The following THRAP3 variants were observed in gnomAD, a reference collection of about 807,000 sequenced individuals.
The protein encoded by THRAP3 is thyroid hormone receptor-associated protein 3.
In THRAP3, 16 loss-of-function variants were observed where a neutral mutation model predicts 101.0. That is an observed-to-expected ratio of 0.16 (90% confidence interval 0.11 to 0.24). The LOEUF is 0.24. THRAP3 is among the 10% of genes least tolerant of loss of function. THRAP3 has a pLI of 1.00. For synonymous variants in THRAP3, 407 were observed against 422.6 expected, an observed-to-expected ratio of 0.96 and a Z score of 0.45; for missense variants, 989 against 1,202.7, an observed-to-expected ratio of 0.82 and a Z score of 2.63.
chr1:36,277,949 GA>G (rs1339106686), intron 2 of THRAP3, among the ~76,000 whole-genome samples: 1 of 151,714 alleles, frequency 6.6e-6, no homozygotes, highest in Non-Finnish European at 1.5e-5. Flanking sequence ...TTTTAGTAGA[GA>G]GGGGGTTTAA....
intron 1 of THRAP3, among the ~76,000 whole-genome samples, chr1:36,225,948 T>G (rs1429916258): frequency 6.6e-6 from 1 of 152,238 alleles, no homozygotes; most frequent in African/African-American, 2.4e-5. Flanking sequence ...TAATTCCATC[T>G]CTTTGTTTTT....
At chr1:36,215,717 TC>T in the THRAP3 span, among the ~76,000 whole-genome samples, 4 of 152,274 alleles carry the variant, frequency 2.6e-5, no homozygotes, top group South Asian at 8.3e-4. Flanking sequence ...ACTTTGAATT[TC>T]ATATACTTTT....
chr1:36,257,561 G>A (rs1332374753), intron 1 of THRAP3, among the ~76,000 whole-genome samples: 1 of 152,152 alleles, frequency 6.6e-6, no homozygotes, highest in African/African-American at 2.4e-5. Context: ...GACAGGCTAG[G>A]CAGGAGGAGG....
At chr1:36,213,142 T>C in the THRAP3 span, among the ~76,000 whole-genome samples, 1 of 152,190 alleles carries the variant, frequency 6.6e-6, no homozygotes. Flanking sequence ...ATGGTGAAGC[T>C]GGTGAGATCA....
At chr1:36,277,535 C>T (rs1279147587) in intron 2 of THRAP3, among the ~76,000 whole-genome samples, 1 of 151,468 alleles carries the variant, frequency 6.6e-6, no homozygotes, top group East Asian at 2.0e-4. Flanking sequence ...AGACAGATAA[C>T]GTGCTTTGTC....
At chr1:36,236,855 T>G (rs887660169) in intron 1 of THRAP3, among the ~76,000 whole-genome samples, 1 of 152,158 alleles carries the variant, frequency 6.6e-6, no homozygotes, top group African/African-American at 2.4e-5. Context: ...CTCTGGAGTA[T>G]GCATATATAT....
chr1:36,266,990 C>A (rs1645523082), intron 2 of THRAP3, among the ~76,000 whole-genome samples: 1 of 152,042 alleles, frequency 6.6e-6, no homozygotes, highest in African/African-American at 2.4e-5. Flanking sequence ...AAGCAATTCT[C>A]CTGTCTCAGC....
rs768948630 is a variant in THRAP3 at position 36,291,481 on chromosome 1, A to G, written c.1853A>G (p.Gln618Arg). ...RSIFQHIQSA[Q>R]SQRSPSELFA... is the part of the protein sequence containing the mutation. ...ATTTTCCAGCACATACAATCAGCTC[A>G]GTCTCAGCGTAGCCCCTCAGAACTG... Residue 618 changes from glutamine to arginine, a missense_variant, in exon 6 of 12, where the codon CAG becomes CGG. Coordinates refer to ENST00000354618, the MANE Select transcript of THRAP3 (RefSeq NM_005119.4). 1 of 1,613,758 alleles carries G rather than the reference A, an allele frequency of 6.2e-7. No homozygotes were observed. The highest frequency in any genetic ancestry group is 1.1e-5 in the South Asian group (1 of 91,076).
At chr1:36,267,417 A>G (rs1371697359) in intron 2 of THRAP3, among the ~76,000 whole-genome samples, 1 of 152,300 alleles carries the variant, frequency 6.6e-6, no homozygotes, top group South Asian at 2.1e-4. Flanking sequence ...TACTGATGAA[A>G]AAATAGAGGT....
chr1:36,256,148 T>G (rs1479919736), intron 1 of THRAP3, among the ~76,000 whole-genome samples: 1 of 151,286 alleles, frequency 6.6e-6, no homozygotes, highest in Non-Finnish European at 1.5e-5. Flanking sequence ...TCCCATAATG[T>G]TGGGGTTATC....
chr1:36,296,897 T>A, intron 9 of THRAP3, 127 bp downstream of exon 9: 1 of 671,406 alleles, frequency 1.5e-6, no homozygotes, highest in Non-Finnish European at 2.3e-6. Context: ...TTTCTTCTTT[T>A]AATCCATGTA....
chr1:36,255,488 G>A (rs1258347631), intron 1 of THRAP3, among the ~76,000 whole-genome samples: 1 of 151,928 alleles, frequency 6.6e-6, no homozygotes, highest in Non-Finnish European at 1.5e-5. Context: ...AGAATGCCAG[G>A]CCAGGCGCGG....
chr1:36,298,932 C>G (rs1645994748), intron 9 of THRAP3, among the ~76,000 whole-genome samples: 1 of 152,146 alleles, frequency 6.6e-6, no homozygotes, highest in East Asian at 1.9e-4. Flanking sequence ...TCAGCTGGGA[C>G]TACAGGTGTA....
At chr1:36,267,069 A>G (rs774268156) in intron 2 of THRAP3, among the ~76,000 whole-genome samples, 1 of 152,064 alleles carries the variant, frequency 6.6e-6, no homozygotes, top group African/African-American at 2.4e-5. Context: ...TTTTTAGTAG[A>G]GACGGGGTTT....
At chr1:36,241,577 A>ATTT (rs562173564) in intron 1 of THRAP3, among the ~76,000 whole-genome samples, 1 of 133,476 alleles carries the variant, frequency 7.5e-6, no homozygotes, top group East Asian at 2.1e-4. Flanking sequence ...ATCCGCTAAA[A>ATTT]TTTTTTTTTT....
intron 3 of THRAP3, among the ~76,000 whole-genome samples, chr1:36,285,909 G>T (rs1356070079): frequency 6.6e-6 from 1 of 152,128 alleles, no homozygotes; most frequent in Admixed American, 6.5e-5. Flanking sequence ...ATAGGGTGTG[G>T]AGTGTTACCA....
chr1:36,287,540 A>G (rs1645812039), intron 4 of THRAP3: 1 of 985,326 alleles, frequency 1.0e-6, no homozygotes, highest in African/African-American at 1.7e-5. Flanking sequence ...CTTGGATTCT[A>G]CCAATGTAAG....
chr1:36,207,671 T>A, the THRAP3 span, among the ~76,000 whole-genome samples: 1 of 152,220 alleles, frequency 6.6e-6, no homozygotes, highest in African/African-American at 2.4e-5. Context: ...GACGTTTCTC[T>A]GCTGCATTGA....
chr1:36,295,686 G>A (rs1178093919), intron 8 of THRAP3, among the ~76,000 whole-genome samples: 1 of 149,414 alleles, frequency 6.7e-6, no homozygotes, highest in Non-Finnish European at 1.5e-5. Context: ...CCTTTCACCT[G>A]ATAATACCAG....
Sources: gnomAD v4.1 joint callset for allele counts (sites outside exome capture counted in the v4.1 genomes callset) on GRCh38, gnomAD v4.1.1 for gene constraint, MANE v1.5 for transcripts, NCBI Gene and HGNC (gene_info 2026-07-23, HGNC 2026-07-21) for gene names.